Variants in SH3RF3 observed in about 807,000 individuals in gnomAD.
SH3RF3 encodes SH3 domain containing ring finger 3, also known as E3 ubiquitin-protein ligase SH3RF3.
In SH3RF3, 29 loss-of-function variants were observed where a neutral mutation model predicts 66.3. That is an observed-to-expected ratio of 0.44 (90% confidence interval 0.33 to 0.60). The LOEUF (loss-of-function observed/expected upper bound fraction) is 0.60, where lower values mean the gene tolerates loss of function less well. SH3RF3 is among the 20% of genes least tolerant of loss of function. The pLI is 0.04. For synonymous variants in SH3RF3, 583 were observed against 532.0 expected (o/e 1.10, Z -1.32); for missense variants, 1,194 against 1,190.9 (o/e 1.00, Z -0.04).
intron 1 of SH3RF3, among the ~76,000 whole-genome samples, chr2:109,340,109 A>G (rs979923317): frequency 1.3e-5 from 2 of 152,184 alleles, no homozygotes; most frequent in African/African-American, 2.4e-5. Context: ...AGTAGCAGCT[A>G]AATAATGGCT....
intron 1 of SH3RF3, among the ~76,000 whole-genome samples, chr2:109,223,929 G>A (rs1679312823): frequency 1.3e-5 from 2 of 152,238 alleles, no homozygotes. Context: ...TTGAGCCTGG[G>A]GGGTGTGGGT....
At chr2:109,240,466 C>T (rs1001474652) in intron 1 of SH3RF3, among the ~76,000 whole-genome samples, 6 of 151,956 alleles carry the variant, frequency 3.9e-5, no homozygotes, top group Admixed American at 6.6e-5. Context: ...CCAGCCTGGG[C>T]GACAAACAAA....
At chr2:109,315,332 T>C (rs1009171428) in intron 1 of SH3RF3, among the ~76,000 whole-genome samples, 2 of 152,192 alleles carry the variant, frequency 1.3e-5, no homozygotes, top group Non-Finnish European at 2.9e-5. Context: ...TCTTAACTAA[T>C]GCCAAGCCAG....
intron 1 of SH3RF3, among the ~76,000 whole-genome samples, chr2:109,247,836 T>A (rs1355220141): frequency 6.6e-6 from 1 of 152,246 alleles, no homozygotes; most frequent in East Asian, 1.9e-4. Context: ...AAGGATGGCC[T>A]GGGTTCCTCT....
chr2:109,184,340 A>G (rs1219049927), intron 1 of SH3RF3, among the ~76,000 whole-genome samples: 1 of 152,242 alleles, frequency 6.6e-6, no homozygotes, highest in African/African-American at 2.4e-5. Context: ...TAAGACGTTT[A>G]TCGCACAAAG....
intron 1 of SH3RF3, among the ~76,000 whole-genome samples, chr2:109,311,872 TGTTTTCTC>T (rs1348950806): frequency 6.6e-6 from 1 of 152,200 alleles, no homozygotes; most frequent in Non-Finnish European, 1.5e-5. Flanking sequence ...AGTTTGAAGT[TGTTTTCTC>T]GTTTTCTTAC....
At chr2:109,495,477 C>CCT (rs1679233119) in intron 9 of SH3RF3, among the ~76,000 whole-genome samples, 1 of 94,240 alleles carries the variant, frequency 1.1e-5, no homozygotes, top group African/African-American at 4.6e-5. Context: ...TCTTTCATTC[C>CCT]TTTTTTTTTT....
At chr2:109,269,009 A>G (rs1680567806) in intron 1 of SH3RF3, among the ~76,000 whole-genome samples, 1 of 152,240 alleles carries the variant, frequency 6.6e-6, no homozygotes, top group African/African-American at 2.4e-5. Flanking sequence ...AGACATGCCC[A>G]GGTGATGAGG....
chr2:109,414,012 C>T (rs1440200695), intron 4 of SH3RF3, among the ~76,000 whole-genome samples: 1 of 152,250 alleles, frequency 6.6e-6, no homozygotes, highest in African/African-American at 2.4e-5. Flanking sequence ...GGCCATTCCA[C>T]AGCATGCAGC....
chr2:109,430,573 G>A (rs973214556), intron 5 of SH3RF3, among the ~76,000 whole-genome samples: 2 of 150,288 alleles, frequency 1.3e-5, no homozygotes, highest in South Asian at 2.1e-4. Context: ...ACCTCTCCCC[G>A]TTCTCCTCTC....
intron 3 of SH3RF3, among the ~76,000 whole-genome samples, chr2:109,392,060 C>T (rs892744947): frequency 6.6e-6 from 1 of 152,172 alleles, no homozygotes; most frequent in East Asian, 1.9e-4. Flanking sequence ...AAGCAGTCAG[C>T]CTGCCTCGGC....
intron 1 of SH3RF3, among the ~76,000 whole-genome samples, chr2:109,274,514 C>A (rs778103214): frequency 1.2e-3 from 179 of 152,034 alleles, no homozygotes; most frequent in Non-Finnish European, 1.9e-3. Flanking sequence ...ACATTATGCT[C>A]AAAAAAAGCC....
intron 1 of SH3RF3, among the ~76,000 whole-genome samples, chr2:109,322,410 G>A (rs1386388405): frequency 2.0e-5 from 3 of 152,198 alleles, no homozygotes; most frequent in East Asian, 3.9e-4. Flanking sequence ...GAATCCAGGA[G>A]CCTGAACTAG....
chr2:109,344,562 G>T (rs1026717143), intron 1 of SH3RF3, among the ~76,000 whole-genome samples: 5 of 152,196 alleles, frequency 3.3e-5, no homozygotes, highest in Non-Finnish European at 5.9e-5. Flanking sequence ...GCAGGTGCAT[G>T]AGCTTGGCCC....
In SH3RF3 at chr2:109,373,872, C is replaced by G. The variant is rs569570184; in HGVS notation, c.945+2191C>G. Among the ~76,000 whole-genome samples, 10 of 152,278 alleles carry G rather than the reference C, an allele frequency of 6.6e-5. No homozygotes were observed. The East Asian group carries it at 1.9e-3, about 29-fold the overall frequency. ...TGAAGGCTGCGTTGGGCCCCTCAGC[C>G]CCTCCTCTGGAAGAAGCTGTCAGGC... On this transcript the variant is annotated intron_variant, in intron 3 of 9. Transcript: ENST00000309415.
chr2:109,436,878 G>C lies in SH3RF3; in HGVS notation c.1575-15G>C. The stretch of plus-strand genomic sequence containing the variant: ...TGAGCCTCTCATCAGAATTCCTTCT[G>C]CTTTCTCTCCACAGGGTGCCTGCAG... On this transcript the variant is annotated splice_polypyrimidine_tract_variant and intron_variant, in intron 6 of 9. Coordinates refer to ENST00000309415, the MANE Select transcript of SH3RF3 (RefSeq NM_001099289.3). The C allele has an allele frequency of 6.2e-7, 1 of 1,610,076 alleles. No homozygotes were observed. Among genetic ancestry groups the C allele is most frequent in the Non-Finnish European group, 8.5e-7 (1 of 1,177,868 alleles).
At chr2:109,163,620 C>T (rs943566919) in intron 1 of SH3RF3, among the ~76,000 whole-genome samples, 88 of 151,688 alleles carry the variant, frequency 5.8e-4, no homozygotes, top group African/African-American at 1.8e-3. Context: ...GGGATGGTCT[C>T]GATCTCCTGA....
intron 8 of SH3RF3, among the ~76,000 whole-genome samples, chr2:109,456,278 ACTCCAGGTCCT>A (rs1678056310): frequency 6.6e-6 from 1 of 151,502 alleles, no homozygotes; most frequent in Admixed American, 6.6e-5. Flanking sequence ...AGCACCGGCG[ACTCCAGGTCCT>A]CTTCCTGTTC....
At chr2:109,215,150 G>A (rs1679078084) in intron 1 of SH3RF3, among the ~76,000 whole-genome samples, 1 of 152,158 alleles carries the variant, frequency 6.6e-6, no homozygotes, top group African/African-American at 2.4e-5. Context: ...GTGTCTTTCT[G>A]TGTTTCTCTC....
Sources: allele counts gnomAD v4.1 joint callset (sites outside exome capture counted in the v4.1 genomes callset), GRCh38; gene constraint gnomAD v4.1.1; transcripts MANE v1.5; gene names NCBI Gene and HGNC (gene_info 2026-07-23, HGNC 2026-07-21).